Variants in SRGAP2 observed in about 807,000 individuals in gnomAD.
SRGAP2 encodes SLIT-ROBO Rho GTPase-activating protein 2.
A neutral mutation model predicts 57.2 loss-of-function variants in SRGAP2; 15 were observed. The observed-to-expected ratio is 0.26, with a 90% CI of 0.18 to 0.40. The LOEUF is 0.40. Ranked by LOEUF, SRGAP2 falls within the 10% of genes least tolerant of loss-of-function variation. The probability of loss-of-function intolerance (pLI) is 1.00; values close to 1 mark genes in which losing one functional copy is unlikely to be tolerated. For synonymous variants in SRGAP2, 249 were observed against 248.0 expected (o/e 1.00, Z -0.04); for missense variants, 520 against 669.6 (o/e 0.78, Z 2.47).
At chr1:206,314,291 CG>C (rs1257700459) in intron 3 of SRGAP2, among the ~76,000 whole-genome samples, 1 of 151,952 alleles carries the variant, frequency 6.6e-6, no homozygotes, top group Non-Finnish European at 1.5e-5. Flanking sequence ...TGCGCCACGA[CG>C]CCAGGCTAAT....
At chr1:206,367,467 G>GT (rs1553341860) in intron 4 of SRGAP2, among the ~76,000 whole-genome samples, 6 of 146,588 alleles carry the variant, frequency 4.1e-5, no homozygotes, top group African/African-American at 1.5e-4. Context: ...TTTAGCGTCT[G>GT]TAAGTACTAA....
rs146455736 is a variant in SRGAP2 at position 206,213,729 on chromosome 1, G to A, written c.67+7692G>A. The stretch of plus-strand genomic sequence containing the variant: ...GAGGTCAGGAGTTCGAGACCAGCCT[G>A]GCCAACATGGTAAAACCTCATCTCT... On this transcript the variant is annotated intron_variant, in intron 2 of 22. Transcript: ENST00000573034. Among the ~76,000 whole-genome samples the A allele has an allele frequency of 6.0e-3, 909 of 152,258 alleles. 16 individuals carry two copies. The highest frequency in any genetic ancestry group is 0.021 in the African/African-American group (875 of 41,522).
intron 14 of SRGAP2, among the ~76,000 whole-genome samples, chr1:206,434,867 A>G (rs1335000759): frequency 6.6e-6 from 1 of 152,246 alleles, no homozygotes; most frequent in Non-Finnish European, 1.5e-5. Flanking sequence ...CGCTCTTTCA[A>G]GAATTTGTGC....
intron 2 of SRGAP2, among the ~76,000 whole-genome samples, chr1:206,241,966 A>C (rs1571653941): frequency 8.4e-6 from 1 of 118,630 alleles, no homozygotes; most frequent in African/African-American, 3.5e-5. Flanking sequence ...TATCTCCTTC[A>C]ACTCTGACCA....
chr1:206,427,748 G>T (rs1262842525), intron 13 of SRGAP2, among the ~76,000 whole-genome samples: 1 of 152,104 alleles, frequency 6.6e-6, no homozygotes, highest in Non-Finnish European at 1.5e-5. Flanking sequence ...GTTAAGTTCG[G>T]TCCCCTCTCC....
chr1:206,300,936 G>A (rs1671837866), intron 2 of SRGAP2, among the ~76,000 whole-genome samples: 1 of 151,988 alleles, frequency 6.6e-6, no homozygotes, highest in Admixed American at 6.6e-5. Flanking sequence ...GACTCAGAGG[G>A]ACCTGACAGC....
intron 13 of SRGAP2, among the ~76,000 whole-genome samples, chr1:206,424,837 CT>C (rs1553365743): frequency 6.6e-6 from 1 of 152,152 alleles, no homozygotes; most frequent in East Asian, 1.9e-4. Flanking sequence ...GCCTTTGTGA[CT>C]TTGTCCATTT....
In SRGAP2 at chr1:206,462,364, G is replaced by A. The variant is rs1338990903; in HGVS notation, c.*944G>A. The A allele has an allele frequency of 6.6e-6, 1 of 152,578 alleles. No homozygotes were observed. Among genetic ancestry groups the A allele is most frequent in the East Asian group, 1.9e-4 (1 of 5,194 alleles). 9.5% of individuals were successfully genotyped at this position (152,578 alleles called of 1,614,324 possible). A position where few individuals can be genotyped will look rare whatever the true frequency, so the allele number is the denominator to read the frequency against. ...ACAGTTTTATAGCTGGTTCCTTTTA[G>A]GGTAAAGAGTCTTAAGAGAGTTTTA... is the stretch of plus-strand genomic sequence containing the variant. On this transcript the variant is annotated 3_prime_UTR_variant, in exon 23 of 23. Transcript: ENST00000573034.
intron 10 of SRGAP2, among the ~76,000 whole-genome samples, chr1:206,409,713 C>T (rs1194977489): frequency 6.6e-6 from 1 of 150,750 alleles, no homozygotes; most frequent in African/African-American, 2.5e-5. Flanking sequence ...ACCGGGGAGG[C>T]ATAGGTTGTA....
chr1:206,243,640 C>G (rs1362176939), intron 2 of SRGAP2, among the ~76,000 whole-genome samples: 1 of 152,188 alleles, frequency 6.6e-6, no homozygotes, highest in South Asian at 2.1e-4. Context: ...AGGGGTGACT[C>G]TCTTTTCTAA....
chr1:206,450,340 T>G (rs12725078), intron 18 of SRGAP2, 46 bp from the exon 19 acceptor site: 253,638 of 774,616 alleles, frequency 0.33, 46,427 homozygotes, highest in East Asian at 0.68. Flanking sequence ...GACAAGAATT[T>G]TATGAGCACA....
At chr1:206,221,357 C>T (rs529049298) in intron 2 of SRGAP2, among the ~76,000 whole-genome samples, 6,034 of 151,248 alleles carry the variant, frequency 0.04, 157 homozygotes, top group Non-Finnish European at 0.044. Context: ...GATTATAACA[C>T]AATGCCTGAA....
At chr1:206,384,799 C>T (rs1553347984) in intron 5 of SRGAP2, among the ~76,000 whole-genome samples, 2 of 150,670 alleles carry the variant, frequency 1.3e-5, no homozygotes, top group Non-Finnish European at 3.0e-5. Context: ...AACACACACT[C>T]ACACACATAC....
chr1:206,415,373 A>G (rs1400301222), intron 10 of SRGAP2, among the ~76,000 whole-genome samples: 2 of 152,244 alleles, frequency 1.3e-5, no homozygotes, highest in African/African-American at 4.8e-5. Context: ...TCCATGCAGA[A>G]TAGAGAAGGA....
chr1:206,398,258 C>T (rs1310320544), intron 7 of SRGAP2, among the ~76,000 whole-genome samples: 54 of 152,304 alleles, frequency 3.5e-4, no homozygotes, highest in African/African-American at 1.2e-3. Flanking sequence ...ATTCAAATCT[C>T]ATTTACCTAA....
chr1:206,329,325 G>GT (rs782051567), intron 3 of SRGAP2, among the ~76,000 whole-genome samples: 34 of 688 alleles, frequency 0.049, no homozygotes, highest in East Asian at 0.17. Context: ...CTTTAAAGTA[G>GT]TTTTTTCCAA....
At chr1:206,227,619 TTTCTC>T (rs1667357769) in intron 2 of SRGAP2, among the ~76,000 whole-genome samples, 1 of 152,060 alleles carries the variant, frequency 6.6e-6, no homozygotes, top group African/African-American at 2.4e-5. Context: ...TATCTGTACT[TTTCTC>T]TTCCTCATTC....
intron 13 of SRGAP2, among the ~76,000 whole-genome samples, chr1:206,425,192 C>T (rs533426330): frequency 3.3e-5 from 5 of 152,284 alleles, no homozygotes; most frequent in South Asian, 2.1e-4. Flanking sequence ...ACTATGCAAA[C>T]GCTCATATCA....
At chr1:206,307,525 C>G (rs1247587848) in intron 3 of SRGAP2, among the ~76,000 whole-genome samples, 1 of 152,106 alleles carries the variant, frequency 6.6e-6, no homozygotes, top group Non-Finnish European at 1.5e-5. Context: ...CGGGGAGGCT[C>G]CGGCCGCACA....
Sources: gnomAD v4.1 joint callset for allele counts (sites outside exome capture counted in the v4.1 genomes callset) on GRCh38, gnomAD v4.1.1 for gene constraint, MANE v1.5 for transcripts, NCBI Gene and HGNC (gene_info 2026-07-23, HGNC 2026-07-21) for gene names.